ATP8B2: variants seen among roughly 807,000 people sequenced by gnomAD.
ATP8B2 encodes the protein phospholipid-transporting ATPase ID.
ATP8B2 carries 70 observed loss-of-function variants against 133.4 expected under a neutral mutation model. The ratio of observed to expected loss-of-function variants is 0.52; its 90% CI spans 0.43 to 0.64. The LOEUF (loss-of-function observed/expected upper bound fraction) is 0.64. ATP8B2 is among the 30% of genes least tolerant of loss of function. The pLI is 0.00. For missense variants in ATP8B2, 1,101 were observed against 1,535.7 expected, an observed-to-expected ratio of 0.72 and a Z score of 4.73; for synonymous variants, 517 against 589.5, an observed-to-expected ratio of 0.88 and a Z score of 1.78.
In ATP8B2 at chr1:154,343,885, G is replaced by A. The variant is rs531099517; in HGVS notation, c.1759-8G>A. 4 of 1,600,948 alleles carry A rather than the reference G, an allele frequency of 2.5e-6. No homozygotes were observed. The highest frequency in any genetic ancestry group is 3.4e-5 in the Admixed American group (2 of 58,166). The stretch of plus-strand genomic sequence containing the variant: ...TTACCCAGGTGTGCCTTTCCACTCT[G>A]CCTCCAGGAGTACGCAGGGGAAGGG... On this transcript the variant is annotated splice_region_variant and splice_polypyrimidine_tract_variant and intron_variant, in intron 17 of 27. Transcript: ENST00000368489. This position sits in a 1 kb window ranked among gnomAD's most constrained non-coding sequence, Gnocchi z 5.8.
intron 1 of ATP8B2, among the ~76,000 whole-genome samples, chr1:154,326,085 A>C (rs1685780512): frequency 6.6e-6 from 1 of 152,012 alleles, no homozygotes; most frequent in African/African-American, 2.4e-5. Context: ...TGGTGCCTGG[A>C]GAAGGGAGTT....
At chr1:154,336,418 A>G (rs1686181298) in intron 11 of ATP8B2, among the ~76,000 whole-genome samples, 1 of 151,882 alleles carries the variant, frequency 6.6e-6, no homozygotes, top group Non-Finnish European at 1.5e-5. Context: ...CACACATAAA[A>G]TACACTAACA....
At chr1:154,327,546 G>A (rs760179675) in intron 1 of ATP8B2, among the ~76,000 whole-genome samples, 2 of 152,166 alleles carry the variant, frequency 1.3e-5, no homozygotes, top group Non-Finnish European at 2.9e-5. Context: ...TGCAGAAAGT[G>A]AGGGCCATGC....
intron 12 of ATP8B2, among the ~76,000 whole-genome samples, chr1:154,339,564 G>C (rs763492974): frequency 3.3e-5 from 5 of 152,180 alleles, no homozygotes; most frequent in African/African-American, 9.7e-5. Context: ...TGCTATCTGT[G>C]TTTTGTATCT....
intron 26 of ATP8B2, among the ~76,000 whole-genome samples, chr1:154,347,871 G>A (rs1415502494): frequency 6.6e-6 from 1 of 151,520 alleles, no homozygotes; most frequent in African/African-American, 2.4e-5. Flanking sequence ...AACCTGGGAG[G>A]TGGAGGTTGT....
At chr1:154,342,417 T>C (rs2149172090) in intron 13 of ATP8B2, 63 bp from the exon 14 acceptor site, 2 of 1,541,982 alleles carry the variant, frequency 1.3e-6, no homozygotes, top group South Asian at 2.2e-5. Flanking sequence ...TGGAGATGTT[T>C]TTCCATGCTC....
In ATP8B2 at chr1:154,345,011, A is replaced by T. The variant is rs771428346; in HGVS notation, c.2327A>T (p.Glu776Val). The T allele has an allele frequency of 2.0e-5, 32 of 1,613,960 alleles. No individual in the cohort carries two copies. The highest frequency in any genetic ancestry group is 2.7e-5 in the Non-Finnish European group (32 of 1,180,004). The change falls in exon 22 of 28, where the codon GAG (glutamate) becomes GTG (valine). Residue 776 changes from glutamate to valine, a missense_variant. By Grantham distance (121) the Glu-to-Val change is moderately radical. Transcript: ENST00000368489. The surrounding 1 kb of genome is among the most constrained non-coding windows in gnomAD (Gnocchi z 5.6). ...GCAGACATGGAGCTGGAGTTTCTGG[A>T]GACAGCGTGTGCCTGCAAAGCTGTC... is the stretch of plus-strand genomic sequence containing the variant. ...LEADMELEFL[E>V]TACACKAVIC... is the part of the protein sequence containing the mutation.
chr1:154,346,359 C>T lies in ATP8B2; in HGVS notation c.2907C>T (p.Phe969=). ...AQGIYTSVLM[F]FIPYGVFADA... ...GCATCTACACCTCCGTGCTCATGTT[C>T]TTCATTCCCTATGGGGTGTTTGCTG... The change falls in exon 25 of 28, where the codon TTC becomes TTT. Residue 969 remains phenylalanine, a synonymous_variant. Transcript: ENST00000368489. This position sits in a 1 kb window ranked among gnomAD's most constrained non-coding sequence, Gnocchi z 4.5. 1.9e-6 allele frequency: 3 copies of T among 1,614,252 alleles called. No homozygotes were observed. The highest frequency in any genetic ancestry group is 2.5e-6 in the Non-Finnish European group (3 of 1,180,048).
Position 154,346,519 on chromosome 1 carries a change from G to T in ATP8B2, c.3024+43G>T. The T allele has an allele frequency of 6.2e-7, 1 of 1,604,948 alleles. No individual in the cohort carries two copies. Among genetic ancestry groups the T allele is most frequent in the South Asian group, 1.1e-5 (1 of 89,878 alleles). ...AACTCCCCTCTTCTCTGGAAGGAGT[G>T]AGCCTTCTGTCCCTGGGGCTGCCCT... is the stretch of plus-strand genomic sequence containing the variant. On this transcript the variant is annotated intron_variant, in intron 25 of 27. Transcript: ENST00000368489. This position sits in a 1 kb window ranked among gnomAD's most constrained non-coding sequence, Gnocchi z 4.5.
At position 154,328,044 on chromosome 1, in the gene ATP8B2, A is replaced by G; in HGVS notation, c.-37-61A>G. On this transcript the variant is annotated intron_variant, in intron 1 of 27. Coordinates refer to ENST00000368489, the MANE Select transcript of ATP8B2 (RefSeq NM_001370597.1). The surrounding 1 kb of genome is among the most constrained non-coding windows in gnomAD (Gnocchi z 4.6). ...GAAGAGGGTCTTCAAAAGAGGTCTC[A>G]TGAGGGGAGGGAAGGGTTATCCTCA... 3 of 1,571,270 alleles carry G rather than the reference A, an allele frequency of 1.9e-6. No individual in the cohort carries two copies. Among genetic ancestry groups the G allele is most frequent in the Non-Finnish European group, 2.6e-6 (3 of 1,141,166 alleles).
chr1:154,332,544 C>T (rs1007443378), intron 8 of ATP8B2, 74 bp from the exon 9 acceptor site: 22 of 1,219,452 alleles, frequency 1.8e-5, no homozygotes, highest in Middle Eastern at 1.9e-4. Flanking sequence ...AGCAGCAGAG[C>T]GAGACCCCAT....
chr1:154,326,644 A>G (rs781493387), intron 1 of ATP8B2, among the ~76,000 whole-genome samples: 65 of 152,294 alleles, frequency 4.3e-4, no homozygotes, highest in Non-Finnish European at 6.9e-4. Context: ...CAGTCTCCCC[A>G]GGGTCTCAGA....
chr1:154,345,784 C>A lies in ATP8B2; in HGVS notation c.2695-16C>A. On this transcript the variant is annotated splice_polypyrimidine_tract_variant and intron_variant, in intron 23 of 27. Transcript: ENST00000368489. The surrounding 1 kb of genome is among the most constrained non-coding windows in gnomAD (Gnocchi z 5.6). Reference sequence around the variant, plus strand: ...AAGAAAGGTTGCATGCTCCCTTGCTCCCTGTTCTCTTCCAGACCGTCTATG... The same window carrying A: ...AAGAAAGGTTGCATGCTCCCTTGCTACCTGTTCTCTTCCAGACCGTCTATG... 6.3e-7 allele frequency: 1 copy of A among 1,598,048 alleles called. No individual in the cohort carries two copies. The highest frequency in any genetic ancestry group is 1.1e-5 in the South Asian group (1 of 90,690).
chr1:154,338,433 G>A (rs1449700358), intron 12 of ATP8B2, among the ~76,000 whole-genome samples: 2 of 152,188 alleles, frequency 1.3e-5, no homozygotes, highest in African/African-American at 4.8e-5. Context: ...AAGCCAAGGT[G>A]GGCGGATAAC....
Position 154,346,872 on chromosome 1 carries a change from A to G in ATP8B2, c.3163+114A>G, listed in dbSNP as rs568833066. ...TTCTTATGTGCCAAGTATTCTGTTT[A>G]TTTTATTTATTTATTTATTTATTTT... On this transcript the variant is annotated intron_variant, in intron 26 of 27. Transcript: ENST00000368489. This position sits in a 1 kb window ranked among gnomAD's most constrained non-coding sequence, Gnocchi z 4.5. The G allele has an allele frequency of 5.0e-6, 5 of 1,009,780 alleles. No individual in the cohort carries two copies. Among genetic ancestry groups the G allele is most frequent in the Non-Finnish European group, 6.9e-6 (5 of 725,022 alleles). The allele number at this position is 1,009,780 out of a possible 1,614,324, so 62.6% of individuals were successfully genotyped here.
intron 2 of ATP8B2, 40 bp from the exon 3 acceptor site, chr1:154,330,356 T>G (rs1392910009): frequency 1.3e-6 from 2 of 1,599,108 alleles, no homozygotes; most frequent in Non-Finnish European, 1.7e-6. Flanking sequence ...GGTCCAGACC[T>G]CAGTTTGCTC....
At position 154,344,328 on chromosome 1, in the gene ATP8B2, A is replaced by G. The variant is rs576018071; in HGVS notation, c.2036-67A>G. Reference sequence around the variant, plus strand: ...TGGACCCTTGCATGGAGCCGAGGACATCAGGCAGGCAAGTGTGCTGACCTT... The same window carrying G: ...TGGACCCTTGCATGGAGCCGAGGACGTCAGGCAGGCAAGTGTGCTGACCTT... On this transcript the variant is annotated intron_variant, in intron 19 of 27. Transcript: ENST00000368489. This position sits in a 1 kb window ranked among gnomAD's most constrained non-coding sequence, Gnocchi z 4.1. 31 of 1,614,094 alleles carry G rather than the reference A, an allele frequency of 1.9e-5. No individual in the cohort carries two copies. In the East Asian group the frequency reaches 6.5e-4, roughly 34 times the overall value.
rs780089601 is a variant in ATP8B2 at position 154,334,083 on chromosome 1, G to T, written c.590-24G>T. On this transcript the variant is annotated intron_variant, in intron 9 of 27. Coordinates refer to ENST00000368489, the MANE Select transcript of ATP8B2 (RefSeq NM_001370597.1). The surrounding 1 kb of genome is among the most constrained non-coding windows in gnomAD (Gnocchi z 4.6). ...TAGGCTGTAGACTGGACCTTAAGCAGTGGAATTCTTGTCTCCTGTTCAGGT... is the reference window on the plus strand; with the variant it reads ...TAGGCTGTAGACTGGACCTTAAGCATTGGAATTCTTGTCTCCTGTTCAGGT... 1.1e-5 allele frequency: 18 copies of T among 1,612,922 alleles called. No homozygotes were observed. The East Asian group carries it at 4.0e-4, about 36-fold the overall frequency.
Position 154,337,512 on chromosome 1 carries a change from C to T in ATP8B2, c.1002C>T (p.Leu334=). 6.2e-7 allele frequency: 1 copy of T among 1,614,196 alleles called. No homozygotes were observed. The highest frequency in any genetic ancestry group is 1.3e-5 in the African/African-American group (1 of 75,038). Residue 334 remains leucine (L), a synonymous_variant, in exon 12 of 28, where the codon CTC becomes CTT. Coordinates refer to ENST00000368489, the MANE Select transcript of ATP8B2 (RefSeq NM_001370597.1). ...CCTTCTGGTCCTACATCATCATCCTCAACACCGTTGTGCCCATTTCACTCT... is the reference window on the plus strand; with the variant it reads ...CCTTCTGGTCCTACATCATCATCCTTAACACCGTTGTGCCCATTTCACTCT... ...FLSFWSYIII[L]NTVVPISLYV...
Sources: gnomAD v4.1 joint callset for allele counts (sites outside exome capture counted in the v4.1 genomes callset) on GRCh38, gnomAD v4.1.1 for gene constraint, Gnocchi (gnomAD v3.1) non-coding constraint, MANE v1.5 for transcripts, NCBI Gene and HGNC (gene_info 2026-07-23, HGNC 2026-07-21) for gene names.